The following CACNB2 variants were observed in gnomAD, a reference collection of about 807,000 sequenced individuals.
CACNB2 encodes voltage-dependent L-type calcium channel subunit beta-2.
Under a neutral mutation model 73.3 loss-of-function variants are expected in CACNB2, and 42 were observed. The ratio of observed to expected loss-of-function variants is 0.57; its 90% CI spans 0.45 to 0.74. The LOEUF (loss-of-function observed/expected upper bound fraction) is 0.74, where lower values mean the gene tolerates loss of function less well. Among genes scored for constraint, CACNB2 ranks in the 30% least tolerant of loss-of-function variants. CACNB2 has a pLI of 0.00. For missense variants in CACNB2, 940 were observed against 853.0 expected, an observed-to-expected ratio of 1.10 and a Z score of -1.27; for synonymous variants, 348 against 310.3, an observed-to-expected ratio of 1.12 and a Z score of -1.28.
At chr10:18,270,937 C>T (rs1228683885) in intron 2 of CACNB2, among the ~76,000 whole-genome samples, 1 of 152,166 alleles carries the variant, frequency 6.6e-6, no homozygotes, top group African/African-American at 2.4e-5. Flanking sequence ...AATTTTTACT[C>T]TTTCACTACT....
chr10:18,518,460 C>A, intron 8 of CACNB2, 44 bp downstream of exon 8: 1 of 1,310,988 alleles, frequency 7.6e-7, no homozygotes, highest in Non-Finnish European at 1.1e-6. Flanking sequence ...GCATGCTGAA[C>A]TTCTTTGTGA....
At chr10:18,430,634 G>T (rs1316023406) in intron 3 of CACNB2, among the ~76,000 whole-genome samples, 1 of 152,002 alleles carries the variant, frequency 6.6e-6, no homozygotes, top group Admixed American at 6.6e-5. Flanking sequence ...TGTCTCAATC[G>T]ATCAGTCAAT....
In CACNB2 at chr10:18,539,389, T is replaced by C; in HGVS notation, c.1648T>C (p.Ser550Pro). ...TCGCAGTGGGACAAGTCGCGGCCTC[T>C]CCAGGCAAGAGACATTTGACTCGGA... ...NHRSGTSRGL[S>P]RQETFDSETQ... Residue 550 changes from serine to proline, a missense_variant, in exon 14 of 14, where the codon TCC becomes CCC. Ser to Pro is a moderately conservative substitution (Grantham distance 74). Coordinates refer to ENST00000324631, the MANE Select transcript of CACNB2 (RefSeq NM_201596.3). The C allele has an allele frequency of 6.2e-7, 1 of 1,613,916 alleles. No individual in the cohort carries two copies. Among genetic ancestry groups the C allele is most frequent in the Middle Eastern group, 1.6e-4 (1 of 6,062 alleles).
intron 2 of CACNB2, among the ~76,000 whole-genome samples, chr10:18,228,316 G>C: frequency 6.6e-6 from 1 of 151,426 alleles, no homozygotes. Flanking sequence ...TGTAATCCCA[G>C]CTACTTGGGA....
At chr10:18,372,039 T>C (rs902962966) in intron 2 of CACNB2, among the ~76,000 whole-genome samples, 7 of 152,242 alleles carry the variant, frequency 4.6e-5, no homozygotes, top group African/African-American at 1.7e-4. Flanking sequence ...CGCCCACTTG[T>C]TGATGGGGTT....
At chr10:18,471,398 G>C (rs866447307) in intron 3 of CACNB2, among the ~76,000 whole-genome samples, 2 of 152,066 alleles carry the variant, frequency 1.3e-5, no homozygotes, top group African/African-American at 4.8e-5. Flanking sequence ...GAAATTATTT[G>C]TTCATAATAA....
intron 2 of CACNB2, 41 bp downstream of exon 2, chr10:18,151,016 AT>A: frequency 8.2e-7 from 1 of 1,218,584 alleles, no homozygotes; most frequent in Non-Finnish European, 1.2e-6. Context: ...GTACCTTAAA[AT>A]GACTTTAGAT....
At chr10:18,417,902 G>A (rs2045086300) in intron 3 of CACNB2, among the ~76,000 whole-genome samples, 1 of 149,070 alleles carries the variant, frequency 6.7e-6, no homozygotes, top group Admixed American at 6.8e-5. Flanking sequence ...ATTTTATTAA[G>A]TGTTGCCTAT....
intron 2 of CACNB2, among the ~76,000 whole-genome samples, chr10:18,273,770 T>C (rs2038156688): frequency 6.6e-6 from 1 of 152,234 alleles, no homozygotes; most frequent in Non-Finnish European, 1.5e-5. Flanking sequence ...CTTACTGAAT[T>C]ATAATACTGA....
rs1346157131 is a variant in CACNB2 at position 18,358,538 on chromosome 10, C to G, written c.214-43386C>G. Among the ~76,000 whole-genome samples the G allele has an allele frequency of 1.8e-4, 6 of 33,200 alleles. No individual in the cohort carries two copies. In the South Asian group the frequency reaches 3.0e-3, roughly 16 times the overall value. The allele number at this position is 33,200 out of a possible 152,430, so 21.8% of individuals were successfully genotyped here. On this transcript the variant is annotated intron_variant, in intron 2 of 13. Transcript: ENST00000324631. ...TCTCTCTCTCTCTCTCTCTCTCTCT[C>G]TCTCTCTCTCTCTCGCTCTCTCTCT...
chr10:18,234,495 G>T (rs1048774601), intron 2 of CACNB2, among the ~76,000 whole-genome samples: 9 of 152,262 alleles, frequency 5.9e-5, no homozygotes, highest in African/African-American at 2.2e-4. Context: ...CAACCCAACT[G>T]TCCATCAGCA....
intron 2 of CACNB2, among the ~76,000 whole-genome samples, chr10:18,307,192 C>T (rs915125288): frequency 1.2e-4 from 19 of 152,102 alleles, no homozygotes; most frequent in Non-Finnish European, 1.3e-4. Context: ...GGGCCGGTCA[C>T]GTGGCTCCCG....
At chr10:18,167,955 G>A (rs2032970830) in intron 2 of CACNB2, among the ~76,000 whole-genome samples, 1 of 152,094 alleles carries the variant, frequency 6.6e-6, no homozygotes, top group Non-Finnish European at 1.5e-5. Context: ...CCCATTGCAA[G>A]CAGTTTGTTG....
chr10:18,179,340 C>T (rs2033762130), intron 2 of CACNB2, among the ~76,000 whole-genome samples: 1 of 152,152 alleles, frequency 6.6e-6, no homozygotes, highest in African/African-American at 2.4e-5. Flanking sequence ...TAAAGGTCTT[C>T]CGTGCCTCTG....
chr10:18,188,656 A>G (rs2034260188), intron 2 of CACNB2, among the ~76,000 whole-genome samples: 1 of 152,154 alleles, frequency 6.6e-6, no homozygotes, highest in South Asian at 2.1e-4. Flanking sequence ...GTATATGCTT[A>G]TTTTGGAAAA....
chr10:18,226,125 G>A (rs796202819), intron 2 of CACNB2, among the ~76,000 whole-genome samples: 6 of 151,784 alleles, frequency 4.0e-5, no homozygotes, highest in African/African-American at 1.4e-4. Context: ...CTCCTGGGCT[G>A]AAGTGATCCT....
Position 18,140,744 on chromosome 10 carries a change from A to G in CACNB2, c.8A>G (p.Gln3Arg), listed in dbSNP as rs1424520121. The G allele has an allele frequency of 6.3e-7, 1 of 1,593,928 alleles. No individual in the cohort carries two copies. The change falls in exon 1 of 14, where the codon CAA becomes CGA. Residue 3 changes from glutamine (Q) to arginine (R), a missense_variant. By Grantham distance (43) the Gln-to-Arg change is conservative (BLOSUM62 1). Coordinates refer to ENST00000324631, the MANE Select transcript of CACNB2 (RefSeq NM_201596.3). MV[Q>R]RDMSKSPPTA... is the part of the protein sequence containing the mutation. ...CGAGCCGACTTTTCGCCAATGGTCCAAAGGGACATGTCCAAGTCGCCTCCC... is the reference window on the plus strand; with the variant it reads ...CGAGCCGACTTTTCGCCAATGGTCCGAAGGGACATGTCCAAGTCGCCTCCC...
intron 2 of CACNB2, among the ~76,000 whole-genome samples, chr10:18,279,409 G>A (rs1049538033): frequency 2.6e-5 from 4 of 152,178 alleles, no homozygotes; most frequent in Non-Finnish European, 4.4e-5. Context: ...CTTAAGAAAC[G>A]ATTGTTTGTA....
intron 2 of CACNB2, among the ~76,000 whole-genome samples, chr10:18,331,462 A>G (rs532540569): frequency 1.3e-4 from 20 of 151,980 alleles, no homozygotes; most frequent in Non-Finnish European, 2.9e-5. Context: ...TCATTTAAAA[A>G]AAAAAAAAAA....
Sources: gnomAD v4.1 joint callset for allele counts (sites outside exome capture counted in the v4.1 genomes callset) on GRCh38, gnomAD v4.1.1 for gene constraint, MANE v1.5 for transcripts, NCBI Gene and HGNC (gene_info 2026-07-23, HGNC 2026-07-21) for gene names.